Variants in NAPG observed in about 807,000 individuals in gnomAD.
NAPG encodes gamma-soluble NSF attachment protein.
A neutral mutation model predicts 48.4 loss-of-function variants in NAPG; 25 were observed. The ratio of observed to expected loss-of-function variants is 0.52; its 90% CI spans 0.38 to 0.72. The LOEUF (loss-of-function observed/expected upper bound fraction) is 0.72, where lower values mean the gene tolerates loss of function less well. Among genes scored for constraint, NAPG ranks in the 30% least tolerant of loss-of-function variants. The probability of loss-of-function intolerance (pLI) is 0.00; values close to 1 mark genes in which losing one functional copy is unlikely to be tolerated. For synonymous variants in NAPG, 139 were observed against 127.2 expected (o/e 1.09, Z -0.62); for missense variants, 359 against 372.5 (o/e 0.96, Z 0.30).
chr18:10,527,245 T>A (rs1397163943), intron 1 of NAPG, among the ~76,000 whole-genome samples: 1 of 151,652 alleles, frequency 6.6e-6, no homozygotes, highest in Non-Finnish European at 1.5e-5. Context: ...GGTGGGTGCT[T>A]CACATACATA....
rs1598413584 is a variant in NAPG at position 10,548,890 on chromosome 18, CA to C, written c.666-76del. 3 of 1,535,542 alleles carry C rather than the reference CA, an allele frequency of 2.0e-6. No homozygotes were observed. In the East Asian group the frequency reaches 6.9e-5, roughly 35 times the overall value. The stretch of plus-strand genomic sequence containing the variant: ...AATGTCTCCAGACAGTGTCACATGC[CA>C]GGGGCAGAATCATCCCTGCCTGAGA... On this transcript the variant is annotated intron_variant, in intron 10 of 11. Coordinates refer to ENST00000322897, the MANE Select transcript of NAPG (RefSeq NM_003826.3). This position sits in a 1 kb window ranked among gnomAD's most constrained non-coding sequence, Gnocchi z 4.4.
intron 7 of NAPG, 54 bp downstream of exon 7, chr18:10,540,108 A>G: frequency 7.2e-7 from 1 of 1,398,528 alleles, no homozygotes; most frequent in Non-Finnish European, 9.7e-7. Flanking sequence ...TAGATTAATA[A>G]TATATAGGAA....
rs1192320510 is a variant in NAPG, at chr18:10,550,994, TTTG to T, written c.*777_*779del. On this transcript the variant is annotated 3_prime_UTR_variant, in exon 12 of 12. Transcript: ENST00000322897. ...CCTTTTTGTTTGTTTGTTTGTTTGT[TTTG>T]TTTTTTGTTTTTTTTTTTAAGGGTC... The T allele has an allele frequency of 6.8e-6, 1 of 146,652 alleles. No homozygotes were observed. Among genetic ancestry groups the T allele is most frequent in the Non-Finnish European group, 1.5e-5 (1 of 68,002 alleles). 9.1% of individuals were successfully genotyped at this position (146,652 alleles called of 1,614,324 possible). A position where few individuals can be genotyped will look rare whatever the true frequency, so the allele number is the denominator to read the frequency against.
chr18:10,527,878 C>A (rs1191226525), intron 1 of NAPG, among the ~76,000 whole-genome samples: 1 of 152,132 alleles, frequency 6.6e-6, no homozygotes, highest in East Asian at 1.9e-4. Flanking sequence ...GTTAGATTTG[C>A]TTTTGGTGAA....
intron 4 of NAPG, among the ~76,000 whole-genome samples, chr18:10,533,879 C>T (rs2031980223): frequency 6.6e-6 from 1 of 152,134 alleles, no homozygotes; most frequent in African/African-American, 2.4e-5. Context: ...GAAGCTTTCT[C>T]TTGCCTTGTG....
rs958201957 is a variant in NAPG at position 10,547,819 on chromosome 18, C to A, written c.586-480C>A. Among the ~76,000 whole-genome samples the A allele has an allele frequency of 5.9e-5, 9 of 152,302 alleles. No individual in the cohort carries two copies. The East Asian group carries it at 1.7e-3, about 29-fold the overall frequency. On this transcript the variant is annotated intron_variant, in intron 9 of 11. Coordinates refer to ENST00000322897, the MANE Select transcript of NAPG (RefSeq NM_003826.3). Reference sequence around the variant, plus strand: ...TACTTTTATTGTTGACTTATCAATACTATCATTGTTTCTGTTATCTGAAGT... The same window carrying A: ...TACTTTTATTGTTGACTTATCAATAATATCATTGTTTCTGTTATCTGAAGT...
rs1479010514 is a variant in NAPG, at chr18:10,543,007, A to G, written c.506+2608A>G. The stretch of plus-strand genomic sequence containing the variant: ...AAGATTAGCCTTGGCCAAATGGTGA[A>G]ACTCCTTCTCTACTAAAAATACAAA... On this transcript the variant is annotated intron_variant, in intron 8 of 11. Coordinates refer to ENST00000322897, the MANE Select transcript of NAPG (RefSeq NM_003826.3). This position sits in a 1 kb window ranked among gnomAD's most constrained non-coding sequence, Gnocchi z 4.4. Among the ~76,000 whole-genome samples the G allele has an allele frequency of 6.6e-6, 1 of 152,006 alleles. No homozygotes were observed. The highest frequency in any genetic ancestry group is 1.9e-4 in the East Asian group (1 of 5,186).
rs2031994574 is a variant in NAPG at position 10,534,550 on chromosome 18, G to T, written c.258+54G>T. Reference sequence around the variant, plus strand: ...GTAGGTAAAATGAATTAACTACAAGGTGTTAAACAAGAATTTTTGTTGAAG... The same window carrying T: ...GTAGGTAAAATGAATTAACTACAAGTTGTTAAACAAGAATTTTTGTTGAAG... On this transcript the variant is annotated intron_variant, in intron 5 of 11. Transcript: ENST00000322897. This position sits in a 1 kb window ranked among gnomAD's most constrained non-coding sequence, Gnocchi z 5.0. The T allele has an allele frequency of 6.4e-7, 1 of 1,551,518 alleles. No homozygotes were observed. The highest frequency in any genetic ancestry group is 1.1e-5 in the South Asian group (1 of 89,618).
chr18:10,542,232 T>C lies in NAPG; in HGVS notation c.506+1833T>C, dbSNP rs945474685. 1.3e-5 allele frequency among the ~76,000 whole-genome samples: 2 copies of C among 152,010 alleles called. No individual in the cohort carries two copies. The highest frequency in any genetic ancestry group is 1.3e-4 in the Admixed American group (2 of 15,274). On this transcript the variant is annotated intron_variant, in intron 8 of 11. Transcript: ENST00000322897. The surrounding 1 kb of genome is among the most constrained non-coding windows in gnomAD (Gnocchi z 4.5). ...TTCGTGACTTTGTTTTATTGGTTTT[T>C]TTTTTTTCTTTTTAGGAAAAATGTA...
intron 5 of NAPG, among the ~76,000 whole-genome samples, chr18:10,538,480 GAGAT>G (rs1308829843): frequency 2.0e-5 from 3 of 152,328 alleles, no homozygotes; most frequent in Admixed American, 2.0e-4. Context: ...ACTTGGAAGT[GAGAT>G]AGAGTCATTG....
intron 9 of NAPG, among the ~76,000 whole-genome samples, chr18:10,547,340 C>T (rs924912873): frequency 2.6e-5 from 4 of 152,190 alleles, no homozygotes; most frequent in African/African-American, 7.2e-5. Flanking sequence ...TGTGCAGCAT[C>T]ACATTCACAG....
In NAPG at chr18:10,542,589, A is replaced by G. The variant is rs1171847560; in HGVS notation, c.506+2190A>G. On this transcript the variant is annotated intron_variant, in intron 8 of 11. Coordinates refer to ENST00000322897, the MANE Select transcript of NAPG (RefSeq NM_003826.3). This position sits in a 1 kb window ranked among gnomAD's most constrained non-coding sequence, Gnocchi z 4.5. The stretch of plus-strand genomic sequence containing the variant: ...CATCTGTTGCCTAAAAGAACTAAAC[A>G]GGTGGTAATTTTATGCTTCACACAA... 6.6e-6 allele frequency among the ~76,000 whole-genome samples: 1 copy of G among 152,224 alleles called. No individual in the cohort carries two copies. The highest frequency in any genetic ancestry group is 1.9e-4 in the East Asian group (1 of 5,194).
At chr18:10,549,362 C>T (rs569272209) in intron 11 of NAPG, among the ~76,000 whole-genome samples, 22 of 152,308 alleles carry the variant, frequency 1.4e-4, no homozygotes, top group African/African-American at 5.3e-4. Flanking sequence ...AGGCTCATTT[C>T]TCCACTTTTC....
intron 1 of NAPG, chr18:10,526,363 C>T: frequency 1.8e-6 from 1 of 557,494 alleles, no homozygotes; most frequent in Non-Finnish European, 3.2e-6. Flanking sequence ...CGGGAAGCGC[C>T]GTGGGTCCAC....
Position 10,548,881 on chromosome 18 carries a change from G to C in NAPG, c.666-86G>C. 1 of 1,505,468 alleles carries C rather than the reference G, an allele frequency of 6.6e-7. No individual in the cohort carries two copies. 93.3% of individuals were successfully genotyped at this position (1,505,468 alleles called of 1,614,324 possible). On this transcript the variant is annotated intron_variant, in intron 10 of 11. Transcript: ENST00000322897. The surrounding 1 kb of genome is among the most constrained non-coding windows in gnomAD (Gnocchi z 4.4). ...AAGTACCAAAATGTCTCCAGACAGT[G>C]TCACATGCCAGGGGCAGAATCATCC...
In NAPG at chr18:10,546,503, T is replaced by G; in HGVS notation, c.585+99T>G. On this transcript the variant is annotated intron_variant, in intron 9 of 11. Transcript: ENST00000322897. This position sits in a 1 kb window ranked among gnomAD's most constrained non-coding sequence, Gnocchi z 4.0. ...AAAGGATTCTATGGGTATTTCTATGTTTTTGTAAAATAATACTTCATGGGC... is the reference window on the plus strand; with the variant it reads ...AAAGGATTCTATGGGTATTTCTATGGTTTTGTAAAATAATACTTCATGGGC... 1 of 673,572 alleles carries G rather than the reference T, an allele frequency of 1.5e-6. No individual in the cohort carries two copies. Among genetic ancestry groups the G allele is most frequent in the Non-Finnish European group, 2.3e-6 (1 of 425,802 alleles). 41.7% of individuals were successfully genotyped at this position (673,572 alleles called of 1,614,324 possible).
rs897894047 is a variant in NAPG at position 10,539,302 on chromosome 18, T to C, written c.259-460T>C. The C allele has an allele frequency of 6.1e-6, 1 of 163,704 alleles. No individual in the cohort carries two copies. The highest frequency in any genetic ancestry group is 2.4e-5 in the African/African-American group (1 of 41,572). The allele number at this position is 163,704 out of a possible 1,614,324, so 10.1% of individuals were successfully genotyped here. ...GACTGGATAAAGAAAATGTGGTACA[T>C]ATACACCATGGAATACTATGCAGCT... On this transcript the variant is annotated intron_variant, in intron 5 of 11. Coordinates refer to ENST00000322897, the MANE Select transcript of NAPG (RefSeq NM_003826.3). The surrounding 1 kb of genome is among the most constrained non-coding windows in gnomAD (Gnocchi z 4.7).
At chr18:10,537,283 T>C (rs1454173686) in intron 5 of NAPG, among the ~76,000 whole-genome samples, 2 of 152,194 alleles carry the variant, frequency 1.3e-5, no homozygotes, top group African/African-American at 4.8e-5. Context: ...ATAAATAATA[T>C]AAACAGTCAG....
chr18:10,548,923 CT>C lies in NAPG; in HGVS notation c.666-40del. On this transcript the variant is annotated intron_variant, in intron 10 of 11. Transcript: ENST00000322897. The surrounding 1 kb of genome is among the most constrained non-coding windows in gnomAD (Gnocchi z 4.4). ...GAATCATCCCTGCCTGAGATGTGTT[CT>C]TTTAAGGAGAAGGTGAAGACGTGTG... The C allele has an allele frequency of 1.3e-6, 2 of 1,598,586 alleles. No individual in the cohort carries two copies. Among genetic ancestry groups the C allele is most frequent in the Non-Finnish European group, 1.7e-6 (2 of 1,169,618 alleles).
Sources: gnomAD v4.1 joint callset for allele counts (sites outside exome capture counted in the v4.1 genomes callset) on GRCh38, gnomAD v4.1.1 for gene constraint, Gnocchi (gnomAD v3.1) non-coding constraint, MANE v1.5 for transcripts, NCBI Gene and HGNC (gene_info 2026-07-23, HGNC 2026-07-21) for gene names.